Variants in ZFHX3 observed in about 807,000 individuals in gnomAD.
ZFHX3 encodes zinc finger homeobox 3, also known as zinc finger homeobox protein 3.
Under a neutral mutation model 279.1 loss-of-function variants are expected in ZFHX3, and 42 were observed. The observed-to-expected ratio is 0.15, with a 90% confidence interval of 0.12 to 0.19. The LOEUF is 0.19. Ranked by LOEUF, ZFHX3 falls within the 10% of genes least tolerant of loss-of-function variation. ZFHX3 has a pLI of 1.00. For missense variants in ZFHX3, 4,981 were observed against 4,754.0 expected, an observed-to-expected ratio of 1.05 and a Z score of -1.40; for synonymous variants, 2,293 against 1,957.8, an observed-to-expected ratio of 1.17 and a Z score of -4.52.
At chr16:73,023,228 G>T (rs1964370486) in intron 1 of ZFHX3, among the ~76,000 whole-genome samples, 1 of 152,074 alleles carries the variant, frequency 6.6e-6, no homozygotes, top group Non-Finnish European at 1.5e-5. Flanking sequence ...TCTGTCTCAA[G>T]AATAAATAAA....
At chr16:73,790,737 AT>A (rs1340677505) in intron 1 of ZFHX3, among the ~76,000 whole-genome samples, 1 of 152,222 alleles carries the variant, frequency 6.6e-6, no homozygotes, top group Non-Finnish European at 1.5e-5. Context: ...CATCCTAACC[AT>A]CATTAGATGG....
chr16:73,468,404 A>T (rs2018608507), intron 2 of ZFHX3, among the ~76,000 whole-genome samples: 1 of 152,208 alleles, frequency 6.6e-6, no homozygotes, highest in South Asian at 2.1e-4. Context: ...GGGAGGCTGG[A>T]ATATGTAGTC....
chr16:73,583,936 TACTC>T (rs2051888943), intron 2 of ZFHX3, among the ~76,000 whole-genome samples: 1 of 152,122 alleles, frequency 6.6e-6, no homozygotes, highest in South Asian at 2.1e-4. Context: ...AGGAAAAAAT[TACTC>T]ACTATGAAAC....
chr16:73,368,815 G>A (rs184767019), intron 3 of ZFHX3, among the ~76,000 whole-genome samples: 11 of 152,148 alleles, frequency 7.2e-5, no homozygotes, highest in South Asian at 4.1e-4. Context: ...TTTAATTCTC[G>A]AAACAATTAA....
At chr16:73,803,122 C>T (rs770440981) in intron 1 of ZFHX3, among the ~76,000 whole-genome samples, 2 of 152,046 alleles carry the variant, frequency 1.3e-5, no homozygotes, top group Non-Finnish European at 2.9e-5. Flanking sequence ...TTCTAATATG[C>T]GAAGCTCCTA....
At chr16:72,821,112 T>C (rs1360198851) in intron 5 of ZFHX3, among the ~76,000 whole-genome samples, 1 of 152,250 alleles carries the variant, frequency 6.6e-6, no homozygotes, top group Non-Finnish European at 1.5e-5. Context: ...TGTGGGTGTG[T>C]GTCCAGAATG....
chr16:73,198,264 C>T (rs1262111392), intron 5 of ZFHX3, among the ~76,000 whole-genome samples: 1 of 151,548 alleles, frequency 6.6e-6, no homozygotes, highest in African/African-American at 2.4e-5. Flanking sequence ...AGAATCATGT[C>T]ACCGTTATCA....
intron 1 of ZFHX3, among the ~76,000 whole-genome samples, chr16:73,018,435 G>A (rs909921877): frequency 4.6e-5 from 7 of 152,016 alleles, no homozygotes; most frequent in Non-Finnish European, 7.4e-5. Flanking sequence ...GTGAAACCCC[G>A]TCTCTACTAA....
intron 7 of ZFHX3, among the ~76,000 whole-genome samples, chr16:73,109,433 C>T (rs191033696): frequency 4.3e-4 from 66 of 152,266 alleles, no homozygotes; most frequent in African/African-American, 8.7e-4. Context: ...CATCTCCACC[C>T]GTTTCTTGGT....
intron 1 of ZFHX3, among the ~76,000 whole-genome samples, chr16:73,770,574 G>C (rs924028347): frequency 2.0e-5 from 3 of 152,174 alleles, no homozygotes; most frequent in East Asian, 1.9e-4. Flanking sequence ...TCAAGCATAA[G>C]AGTCATAAAA....
chr16:73,506,852 T>C (rs1366207018), intron 2 of ZFHX3, among the ~76,000 whole-genome samples: 2 of 152,208 alleles, frequency 1.3e-5, no homozygotes, highest in East Asian at 3.8e-4. Flanking sequence ...TTAATATGCA[T>C]ACTGCTTGAG....
chr16:73,509,676 C>G (rs1320731867), intron 2 of ZFHX3, among the ~76,000 whole-genome samples: 3 of 148,034 alleles, frequency 2.0e-5, no homozygotes, highest in South Asian at 2.1e-4. Flanking sequence ...AGGCGCCCAC[C>G]ACCATGCCCG....
intron 6 of ZFHX3, among the ~76,000 whole-genome samples, chr16:73,136,006 C>T (rs537356195): frequency 3.9e-4 from 59 of 151,992 alleles, no homozygotes; most frequent in Non-Finnish European, 5.6e-4. Context: ...TACAGGCACA[C>T]GCCACCATGC....
chr16:73,403,254 T>C (rs1050462675), intron 3 of ZFHX3, among the ~76,000 whole-genome samples: 1 of 152,180 alleles, frequency 6.6e-6, no homozygotes, highest in Non-Finnish European at 1.5e-5. Context: ...GGGGACGTGA[T>C]GGAGTGAAAC....
At chr16:73,443,078 T>C (rs1042879570) in intron 3 of ZFHX3, among the ~76,000 whole-genome samples, 2 of 152,196 alleles carry the variant, frequency 1.3e-5, no homozygotes, top group Non-Finnish European at 2.9e-5. Flanking sequence ...AATCCAGTCA[T>C]GTTCTGAGGT....
intron 8 of ZFHX3, among the ~76,000 whole-genome samples, chr16:73,074,326 C>G (rs909683147): frequency 2.6e-5 from 4 of 152,182 alleles, no homozygotes; most frequent in Non-Finnish European, 5.9e-5. Flanking sequence ...AGTGGGTTTC[C>G]TGCATTTGTG....
chr16:73,337,876 C>G (rs1207586621), intron 3 of ZFHX3, among the ~76,000 whole-genome samples: 1 of 122,834 alleles, frequency 8.1e-6, no homozygotes, highest in African/African-American at 3.0e-5. Flanking sequence ...TTCAATAAGT[C>G]TTCATCTTCC....
Position 73,303,097 on chromosome 16 carries a change from T to C in ZFHX3, c.-1194+15143A>G, listed in dbSNP as rs927466947. 4.6e-5 allele frequency among the ~76,000 whole-genome samples: 7 copies of C among 151,896 alleles called. No homozygotes were observed. The South Asian group carries it at 6.2e-4, about 14-fold the overall frequency. On this transcript the variant is annotated intron_variant, in intron 4 of 17. Transcript: ENST00000641206. The stretch of plus-strand genomic sequence containing the variant: ...AGCCTGGAGTACAGTGATGTGATCA[T>C]AGTGCACTGTCGCCTTAAACTCCTG...
At chr16:73,816,344 T>C (rs906910917) in intron 1 of ZFHX3, among the ~76,000 whole-genome samples, 3 of 152,306 alleles carry the variant, frequency 2.0e-5, no homozygotes, top group South Asian at 2.1e-4. Context: ...GCCATGTATG[T>C]TCATAGGAAA....
Sources: gnomAD v4.1 joint callset for allele counts (sites outside exome capture counted in the v4.1 genomes callset) on GRCh38, gnomAD v4.1.1 for gene constraint, MANE v1.5 for transcripts, NCBI Gene and HGNC (gene_info 2026-07-23, HGNC 2026-07-21) for gene names.